Variants in ZBTB20 observed in about 807,000 individuals in gnomAD.
ZBTB20 encodes the protein zinc finger and BTB domain containing 20, also known as zinc finger and BTB domain-containing protein 20.
A neutral mutation model predicts 56.9 loss-of-function variants in ZBTB20; 9 were observed. The ratio of observed to expected loss-of-function variants is 0.16; its 90% CI spans 0.10 to 0.28. The LOEUF is 0.28. ZBTB20 is among the 10% of genes least tolerant of loss of function. The pLI is 1.00. For missense variants in ZBTB20, 655 were observed against 1,003.0 expected (o/e 0.65, Z 4.69); for synonymous variants, 417 against 420.7 (o/e 0.99, Z 0.11).
chr3:115,077,682 C>T (rs183620500), intron 1 of ZBTB20, among the ~76,000 whole-genome samples: 2 of 152,260 alleles, frequency 1.3e-5, no homozygotes, highest in East Asian at 3.9e-4. Context: ...ATTACAACCA[C>T]AATGAGGAAT....
At chr3:114,715,515 A>G (rs1288470046) in intron 5 of ZBTB20, among the ~76,000 whole-genome samples, 1 of 152,214 alleles carries the variant, frequency 6.6e-6, no homozygotes, top group East Asian at 1.9e-4. Context: ...TGTCTCCCAC[A>G]TTTGCTACAA....
chr3:114,338,942 TTTTG>T lies in ZBTB20; in HGVS notation c.*59_*62del, dbSNP rs372823958. ...TTCTTAAATTCTAGTGCCATAGCTT[TTTTG>T]TTTGTTTGTTTTTTGTTGTTGTTTT... On this transcript the variant is annotated 3_prime_UTR_variant, in exon 12 of 12. Coordinates refer to ENST00000675478, the MANE Select transcript of ZBTB20 (RefSeq NM_001348800.3). 405 of 1,441,724 alleles carry T rather than the reference TTTTG, an allele frequency of 2.8e-4. No individual in the cohort carries two copies. The highest frequency in any genetic ancestry group is 1.3e-3 in the East Asian group (54 of 42,668). The allele number at this position is 1,441,724 out of a possible 1,614,324, so 89.3% of individuals were successfully genotyped here. A position where few individuals can be genotyped will look rare whatever the true frequency, so the allele number is the denominator to read the frequency against.
At chr3:114,979,179 G>T (rs544817643) in intron 2 of ZBTB20, among the ~76,000 whole-genome samples, 1 of 151,964 alleles carries the variant, frequency 6.6e-6, no homozygotes, top group African/African-American at 2.4e-5. Flanking sequence ...AGCACAGCCT[G>T]GAATGTAGAA....
At chr3:114,893,466 T>C (rs2076895028) in intron 4 of ZBTB20, among the ~76,000 whole-genome samples, 1 of 152,306 alleles carries the variant, frequency 6.6e-6, no homozygotes, top group African/African-American at 2.4e-5. Context: ...AGCTTCAAAG[T>C]GAGAAACAAA....
At chr3:114,687,261 CTCTT>C (rs2062399872) in intron 6 of ZBTB20, 1 of 139,550 alleles carries the variant, frequency 7.2e-6, no homozygotes, top group African/African-American at 2.7e-5. Flanking sequence ...AATCCTTACT[CTCTT>C]TCCTTTCCAG....
At chr3:115,092,812 A>G (rs1013554180) in intron 1 of ZBTB20, among the ~76,000 whole-genome samples, 1 of 152,170 alleles carries the variant, frequency 6.6e-6, no homozygotes, top group African/African-American at 2.4e-5. Context: ...ATCATTAAAC[A>G]GACTCAATAA....
chr3:114,893,336 T>C (rs1456066424), intron 4 of ZBTB20, among the ~76,000 whole-genome samples: 1 of 152,198 alleles, frequency 6.6e-6, no homozygotes, highest in Non-Finnish European at 1.5e-5. Context: ...TAAAAGTACA[T>C]ATATAAAAAT....
At chr3:114,544,693 T>C (rs2049647398) in intron 6 of ZBTB20, among the ~76,000 whole-genome samples, 1 of 151,918 alleles carries the variant, frequency 6.6e-6, no homozygotes, top group Non-Finnish European at 1.5e-5. Context: ...TTTGTAGAGA[T>C]GGGGTTTTGC....
At chr3:114,871,489 T>G (rs1379506236) in intron 4 of ZBTB20, among the ~76,000 whole-genome samples, 1 of 152,158 alleles carries the variant, frequency 6.6e-6, no homozygotes, top group Non-Finnish European at 1.5e-5. Context: ...AATACCAGCT[T>G]AGGCTAAATG....
chr3:115,036,361 G>C (rs561357747), intron 2 of ZBTB20, among the ~76,000 whole-genome samples: 1 of 150,920 alleles, frequency 6.6e-6, no homozygotes, highest in Non-Finnish European at 1.5e-5. Flanking sequence ...GTGTAGTGTC[G>C]CGATCTCGGC....
intron 11 of ZBTB20, among the ~76,000 whole-genome samples, chr3:114,340,169 A>G (rs1402307523): frequency 6.6e-6 from 1 of 151,992 alleles, no homozygotes; most frequent in Non-Finnish European, 1.5e-5. Context: ...ATCAGACTCA[A>G]ATGATCCTAT....
In ZBTB20 at chr3:114,339,457, A is replaced by G. The variant is rs1317395758; in HGVS notation, c.1805-31T>C. 6.3e-7 allele frequency: 1 copy of G among 1,590,936 alleles called. No homozygotes were observed. Among genetic ancestry groups the G allele is most frequent in the African/African-American group, 1.3e-5 (1 of 74,358 alleles). On this transcript the variant is annotated intron_variant, in intron 11 of 11. Transcript: ENST00000675478. This position sits in a 1 kb window ranked among gnomAD's most constrained non-coding sequence, Gnocchi z 4.2. ...GATGTAGGAAGAGACAGCAAGCAGG[A>G]CAGAGCGAGACATAGCAAGGGATAG...
At chr3:114,616,060 T>A (rs1413699220) in intron 6 of ZBTB20, among the ~76,000 whole-genome samples, 1 of 152,242 alleles carries the variant, frequency 6.6e-6, no homozygotes, top group African/African-American at 2.4e-5. Flanking sequence ...TGTTATTCAC[T>A]GGATAACACA....
chr3:114,603,591 G>A (rs1442068948), intron 6 of ZBTB20, among the ~76,000 whole-genome samples: 1 of 151,616 alleles, frequency 6.6e-6, no homozygotes, highest in African/African-American at 2.4e-5. Context: ...ACTTCAGTAT[G>A]GCCAAAAAAT....
chr3:114,556,696 A>C (rs6772469), intron 6 of ZBTB20, among the ~76,000 whole-genome samples: 21,781 of 152,048 alleles, frequency 0.14, 1,932 homozygotes, highest in Admixed American at 0.26. Flanking sequence ...GAGTTATGCC[A>C]ACCTAACTAT....
intron 3 of ZBTB20, among the ~76,000 whole-genome samples, chr3:114,964,694 C>CG (rs1170953066): frequency 2.6e-5 from 4 of 151,696 alleles, no homozygotes; most frequent in African/African-American, 9.7e-5. Context: ...GTGGAGGAGG[C>CG]GGGGGGTGAT....
At chr3:114,483,833 C>T (rs566512566) in intron 7 of ZBTB20, among the ~76,000 whole-genome samples, 9 of 151,990 alleles carry the variant, frequency 5.9e-5, no homozygotes, top group Middle Eastern at 3.4e-3. Context: ...TATCACAATT[C>T]GGCATTGTTT....
At chr3:114,474,218 G>C (rs2109294809) in intron 7 of ZBTB20, among the ~76,000 whole-genome samples, 1 of 152,312 alleles carries the variant, frequency 6.6e-6, no homozygotes, top group South Asian at 2.1e-4. Flanking sequence ...TGGGGGTACA[G>C]CCAAACCATA....
At chr3:114,671,420 T>G (rs1338442896) in intron 6 of ZBTB20, among the ~76,000 whole-genome samples, 1 of 152,132 alleles carries the variant, frequency 6.6e-6, no homozygotes, top group Admixed American at 6.6e-5. Context: ...TGGTAAAATC[T>G]TGATCTAGCC....
Sources: allele counts gnomAD v4.1 joint callset (sites outside exome capture counted in the v4.1 genomes callset), GRCh38; gene constraint gnomAD v4.1.1; non-coding constraint Gnocchi (gnomAD v3.1); transcripts MANE v1.5; gene names NCBI Gene and HGNC (gene_info 2026-07-23, HGNC 2026-07-21).